Variants in SANBR observed in about 807,000 individuals in gnomAD.
SANBR encodes the protein SANT and BTB domain regulator of CSR, also known as SANT and BTB domain regulator of class switch recombination.
SANBR carries 77 observed loss-of-function variants against 101.8 expected under a neutral mutation model. The ratio of observed to expected loss-of-function variants is 0.76; its 90% CI spans 0.63 to 0.91. The LOEUF is 0.91. Ranked by LOEUF, SANBR falls within the 40% of genes least tolerant of loss-of-function variation. SANBR has a pLI of 0.00. For missense variants in SANBR, 875 were observed against 853.0 expected (o/e 1.03, Z -0.32); for synonymous variants, 279 against 274.7 (o/e 1.02, Z -0.15).
intron 12 of SANBR, among the ~76,000 whole-genome samples, chr2:61,099,682 A>G (rs1285970008): frequency 1.3e-5 from 2 of 152,226 alleles, no homozygotes; most frequent in African/African-American, 4.8e-5. Flanking sequence ...TAAAGCCAGC[A>G]GGTATAGGTG....
chr2:61,093,611 A>G (rs1260657867), intron 11 of SANBR, among the ~76,000 whole-genome samples: 1 of 152,202 alleles, frequency 6.6e-6, no homozygotes, highest in Admixed American at 6.5e-5. Flanking sequence ...AAAAAAAAAA[A>G]AGTCACTTGT....
Position 61,088,458 on chromosome 2 carries a change from A to T in SANBR, c.1078A>T (p.Ile360Phe). The T allele has an allele frequency of 1.3e-6, 2 of 1,599,678 alleles. No homozygotes were observed. Among genetic ancestry groups the T allele is most frequent in the Non-Finnish European group, 8.5e-7 (1 of 1,170,038 alleles). Reference sequence around the variant, plus strand: ...GGATCGACGTGGAAATATTGTCTATATTCACATAAGGTGTCGTGAAGATAA... The same window carrying T: ...GGATCGACGTGGAAATATTGTCTATTTTCACATAAGGTGTCGTGAAGATAA... Reference protein sequence around the residue: ...NVDRRGNIVYIHIRDKTWDVH... With the variant: ...NVDRRGNIVYFHIRDKTWDVH... Residue 360 changes from isoleucine (I) to phenylalanine (F), a missense_variant, in exon 10 of 22, where the codon ATT becomes TTT. By Grantham distance (21) the Ile-to-Phe change is conservative (BLOSUM62 0). Coordinates refer to ENST00000402291, the MANE Select transcript of SANBR (RefSeq NM_001129993.3).
chr2:61,098,462 C>T (rs1683139596), intron 12 of SANBR, among the ~76,000 whole-genome samples: 1 of 152,014 alleles, frequency 6.6e-6, no homozygotes, highest in Non-Finnish European at 1.5e-5. Context: ...TGTAATTTGC[C>T]TTTTTTACTC....
At chr2:61,127,281 A>C (rs886494548), downstream of SANBR, among the ~76,000 whole-genome samples, 9 of 152,148 alleles carry the variant, frequency 5.9e-5, no homozygotes, top group African/African-American at 2.2e-4. Context: ...CCAGCCCGGC[A>C]TCATTTTAAT....
At chr2:61,118,703 A>G (rs973356879) in intron 20 of SANBR, among the ~76,000 whole-genome samples, 5 of 150,924 alleles carry the variant, frequency 3.3e-5, no homozygotes, top group African/African-American at 1.2e-4. Context: ...CTGGGACTAC[A>G]GGCATGCACC....
At chr2:61,092,729 G>A (rs1682830238) in intron 11 of SANBR, 142 bp downstream of exon 11, 3 of 642,212 alleles carry the variant, frequency 4.7e-6, no homozygotes, top group Admixed American at 3.8e-5. Flanking sequence ...AGCTGGGCAT[G>A]GTGGCTCGTG....
At chr2:61,126,127 C>G (rs1281837975), downstream of SANBR, among the ~76,000 whole-genome samples, 1 of 152,224 alleles carries the variant, frequency 6.6e-6, no homozygotes, top group Admixed American at 6.5e-5. Context: ...TATCTCTTCC[C>G]ATTCCTGCCC....
rs1189128861 is a variant in SANBR, at chr2:61,123,579, T to A, written c.*1417T>A. Reference sequence around the variant, plus strand: ...TATTATATGTAAGTACTCTGTTAAATACCAGAGTTTTTTTTGTAGTTTACT... The same window carrying A: ...TATTATATGTAAGTACTCTGTTAAAAACCAGAGTTTTTTTTGTAGTTTACT... On this transcript the variant is annotated 3_prime_UTR_variant, in exon 22 of 22. Transcript: ENST00000402291. 1.0e-6 allele frequency: 1 copy of A among 976,274 alleles called. No individual in the cohort carries two copies. The highest frequency in any genetic ancestry group is 1.8e-5 in the African/African-American group (1 of 57,050). 60.5% of individuals were successfully genotyped at this position (976,274 alleles called of 1,614,324 possible).
chr2:61,096,675 A>G (rs185824627), intron 11 of SANBR, among the ~76,000 whole-genome samples: 43 of 152,144 alleles, frequency 2.8e-4, no homozygotes, highest in Non-Finnish European at 5.0e-4. Context: ...CAGCCTCCCT[A>G]GTAGCTGGAG....
intron 11 of SANBR, chr2:61,094,237 C>T (rs1474037343): frequency 2.7e-5 from 5 of 183,336 alleles, no homozygotes; most frequent in Admixed American, 1.3e-4. Context: ...TGTAACACTT[C>T]CATCACCCTA....
chr2:61,116,014 C>A lies in SANBR; in HGVS notation c.1780C>A (p.Pro594Thr). The A allele has an allele frequency of 1.9e-6, 3 of 1,611,722 alleles. No individual in the cohort carries two copies. The highest frequency in any genetic ancestry group is 1.7e-6 in the Non-Finnish European group (2 of 1,179,220). Residue 594 changes from proline to threonine, a missense_variant, in exon 17 of 22, where the codon CCA (proline) becomes ACA (threonine). Pro to Thr is a conservative substitution (Grantham distance 38, BLOSUM62 -1). Coordinates refer to ENST00000402291, the MANE Select transcript of SANBR (RefSeq NM_001129993.3). Reference protein sequence around the residue: ...KEKPKKFTRQPKKQVSSPCAQ... With the variant: ...KEKPKKFTRQTKKQVSSPCAQ... ...GAAGCCAAAGAAGTTCACTAGACAA[C>A]CAAAAAAGCAGGTATCTTCACCCTG...
intron 21 of SANBR, among the ~76,000 whole-genome samples, chr2:61,134,700 G>A (rs1559161746): frequency 6.6e-6 from 1 of 152,116 alleles, no homozygotes; most frequent in Non-Finnish European, 1.5e-5. Flanking sequence ...AGACCATCCT[G>A]GCCAACATGG....
At chr2:61,102,582 G>T (rs1176578388) in intron 12 of SANBR, among the ~76,000 whole-genome samples, 1 of 151,110 alleles carries the variant, frequency 6.6e-6, no homozygotes, top group Non-Finnish European at 1.5e-5. Context: ...CTGTTGCCCA[G>T]ACTGGAGTGT....
intron 2 of SANBR, 43 bp from the exon 3 acceptor site, chr2:61,070,299 G>A: frequency 7.0e-7 from 1 of 1,425,752 alleles, no homozygotes; most frequent in East Asian, 2.5e-5. Context: ...AAAACATTTG[G>A]ATTTCGGGTT....
In SANBR at chr2:61,122,640, G is replaced by C. The variant is rs1269898814; in HGVS notation, c.*478G>C. ...AAATTCCCAATGATGCTAATTTTAA[G>C]TCTGCATGAATATTAAGGAGTGACA... On this transcript the variant is annotated 3_prime_UTR_variant, in exon 22 of 22. Transcript: ENST00000402291. 1.0e-6 allele frequency: 1 copy of C among 986,820 alleles called. No individual in the cohort carries two copies. The highest frequency in any genetic ancestry group is 1.1e-4 in the East Asian group (1 of 9,002). The allele number at this position is 986,820 out of a possible 1,614,324, so 61.1% of individuals were successfully genotyped here.
chr2:61,121,111 A>G (rs1446323525), intron 20 of SANBR, 74 bp from the exon 21 acceptor site: 2 of 1,041,164 alleles, frequency 1.9e-6, no homozygotes, highest in East Asian at 5.3e-5. Context: ...TAAATTAAAA[A>G]GTAATCCCAT....
chr2:61,117,633 G>C, intron 19 of SANBR, 93 bp downstream of exon 19: 1 of 1,165,032 alleles, frequency 8.6e-7, no homozygotes. Flanking sequence ...AATAGCTCTA[G>C]AGTTTCTAGC....
chr2:61,134,044 C>T (rs1011014749), intron 20 of SANBR: 1 of 1,545,268 alleles, frequency 6.5e-7, no homozygotes, highest in Non-Finnish European at 8.8e-7. Context: ...TTTATCCTAA[C>T]AGCTACATCA....
At chr2:61,106,220 C>A (rs1263289892) in intron 13 of SANBR, among the ~76,000 whole-genome samples, 1 of 151,636 alleles carries the variant, frequency 6.6e-6, no homozygotes, top group African/African-American at 2.4e-5. Flanking sequence ...GGTGAAACCC[C>A]GTTTCTACAA....
Sources: gnomAD v4.1 joint callset for allele counts (sites outside exome capture counted in the v4.1 genomes callset) on GRCh38, gnomAD v4.1.1 for gene constraint, MANE v1.5 for transcripts, NCBI Gene and HGNC (gene_info 2026-07-23, HGNC 2026-07-21) for gene names.